The following JCHAIN variants were observed in gnomAD, a reference collection of about 807,000 sequenced individuals.
The protein encoded by JCHAIN is immunoglobulin J chain.
A neutral mutation model predicts 11.1 loss-of-function variants in JCHAIN; 5 were observed. The observed-to-expected ratio is 0.45, with a 90% CI of 0.24 to 0.95. The LOEUF (loss-of-function observed/expected upper bound fraction) is 0.95. JCHAIN is among the 40% of genes least tolerant of loss of function. The probability of loss-of-function intolerance (pLI) is 0.21; values close to 1 mark genes in which losing one functional copy is unlikely to be tolerated. For missense variants in JCHAIN, 165 were observed against 192.7 expected (o/e 0.86, Z 0.85); for synonymous variants, 51 against 67.8 (o/e 0.75, Z 1.22).
Position 70,655,864 on chromosome 4 carries a change from A to G in JCHAIN, c.*465T>C, listed in dbSNP as rs1738938822. ...ATAATTGACCTATGTTTATGCATAT[A>G]TGTTCTCTACACAGTGAAACTTTTT... On this transcript the variant is annotated 3_prime_UTR_variant, in exon 4 of 4. Transcript: ENST00000254801. 6.7e-6 allele frequency: 1 copy of G among 150,050 alleles called. No individual in the cohort carries two copies. Among genetic ancestry groups the G allele is most frequent in the South Asian group, 2.2e-4 (1 of 4,560 alleles). The allele number at this position is 150,050 out of a possible 1,614,324, so 9.3% of individuals were successfully genotyped here.
intron 2 of JCHAIN, among the ~76,000 whole-genome samples, chr4:70,661,821 A>G (rs1286280257): frequency 1.3e-5 from 2 of 152,186 alleles, no homozygotes; most frequent in African/African-American, 4.8e-5. Context: ...ATAACTCCAT[A>G]TAAACAGTGC....
chr4:70,656,788 A>T (rs1456787387), intron 3 of JCHAIN, among the ~76,000 whole-genome samples: 1 of 152,222 alleles, frequency 6.6e-6, no homozygotes, highest in Non-Finnish European at 1.5e-5. Context: ...TACACCATAC[A>T]GCAATTTCTA....
rs1250020017 is a variant in JCHAIN at position 70,662,144 on chromosome 4, G to A, written c.136C>T (p.Arg46Cys). The A allele has an allele frequency of 8.1e-6, 13 of 1,611,820 alleles. No individual in the cohort carries two copies. Among genetic ancestry groups the A allele is most frequent in the African/African-American group, 1.3e-5 (1 of 74,980 alleles). The change falls in exon 2 of 4, where the codon CGT becomes TGT. Residue 46 changes from arginine to cysteine, a missense_variant. Physicochemically the swap from Arg to Cys is radical, Grantham distance 180. Coordinates refer to ENST00000254801, the MANE Select transcript of JCHAIN (RefSeq NM_144646.4). ...TCCTCATTAGGATCTTCGGAAGAAC[G>A]GATGATCCTGGAAGTAATCCGGGCA... is the stretch of plus-strand genomic sequence containing the variant. ...KCARITSRIIRSSEDPNEDIV... is the reference protein window; with the variant it reads ...KCARITSRIICSSEDPNEDIV...
chr4:70,663,092 AAAATGAAT>A (rs1423826520), intron 1 of JCHAIN, among the ~76,000 whole-genome samples: 4 of 152,248 alleles, frequency 2.6e-5, no homozygotes, highest in African/African-American at 9.6e-5. Flanking sequence ...TACAGAAAAA[AAAATGAAT>A]AAATGAATAA....
chr4:70,666,491 C>T lies in JCHAIN; in HGVS notation c.-1G>A. 6.2e-7 allele frequency: 1 copy of T among 1,611,134 alleles called. No individual in the cohort carries two copies. Among genetic ancestry groups the T allele is most frequent in the Non-Finnish European group, 8.5e-7 (1 of 1,177,390 alleles). ...CCCAGAAAAGCAAATGGTTCTTCAT[C>T]TTGACTTCACTTCTTCTGAAAAACT... On this transcript the variant is annotated 5_prime_UTR_variant, in exon 1 of 4. Transcript: ENST00000254801.
Position 70,656,261 on chromosome 4 carries a change from G to A in JCHAIN, c.*68C>T. On this transcript the variant is annotated 3_prime_UTR_variant, in exon 4 of 4. Coordinates refer to ENST00000254801, the MANE Select transcript of JCHAIN (RefSeq NM_144646.4). ...TTTCAAATTCATTGGTAATAAATATGCTAACTTTCTGAATCAAAATGGAGA... is the reference window on the plus strand; with the variant it reads ...TTTCAAATTCATTGGTAATAAATATACTAACTTTCTGAATCAAAATGGAGA... 9.1e-7 allele frequency: 1 copy of A among 1,102,524 alleles called. No homozygotes were observed. Among genetic ancestry groups the A allele is most frequent in the South Asian group, 1.4e-5 (1 of 70,848 alleles). The allele number at this position is 1,102,524 out of a possible 1,614,324, so 68.3% of individuals were successfully genotyped here.
intron 2 of JCHAIN, 139 bp downstream of exon 2, chr4:70,661,953 G>A: frequency 1.4e-6 from 1 of 736,984 alleles, no homozygotes; most frequent in South Asian, 2.0e-5. Context: ...TCATTCATAA[G>A]ACTCAATTCT....
intron 2 of JCHAIN, among the ~76,000 whole-genome samples, chr4:70,657,500 T>A (rs1418570192): frequency 6.6e-6 from 1 of 152,188 alleles, no homozygotes; most frequent in Non-Finnish European, 1.5e-5. Flanking sequence ...TCACAACAAC[T>A]CCGCTGTCAA....
chr4:70,659,733 G>T (rs542879787), intron 2 of JCHAIN, among the ~76,000 whole-genome samples: 89 of 151,628 alleles, frequency 5.9e-4, no homozygotes, highest in African/African-American at 2.0e-3. Flanking sequence ...GGGCATGGTG[G>T]TGCGTGCCTG....
In JCHAIN at chr4:70,657,057, A is replaced by G. The variant is rs554334928; in HGVS notation, c.269+154T>C. ...GTTTTATGAATTTATGATACCTAAT[A>G]ATTAACATAGGAATTAATGTATTCA... On this transcript the variant is annotated intron_variant, in intron 3 of 3. Coordinates refer to ENST00000254801, the MANE Select transcript of JCHAIN (RefSeq NM_144646.4). Among the ~76,000 whole-genome samples, 9 of 152,322 alleles carry G rather than the reference A, an allele frequency of 5.9e-5. No homozygotes were observed. The South Asian group carries it at 1.9e-3, about 32-fold the overall frequency.
intron 1 of JCHAIN, among the ~76,000 whole-genome samples, chr4:70,662,770 C>A (rs1739085261): frequency 6.6e-6 from 1 of 151,970 alleles, no homozygotes; most frequent in Non-Finnish European, 1.5e-5. Flanking sequence ...ACCGGCCTGG[C>A]CAACATAGTG....
chr4:70,664,306 T>C (rs1282109779), intron 1 of JCHAIN, among the ~76,000 whole-genome samples: 13 of 152,094 alleles, frequency 8.5e-5, no homozygotes, highest in Non-Finnish European at 4.4e-5. Context: ...AAGTGACCTT[T>C]AACAATTCCT....
At position 70,657,199 on chromosome 4, in the gene JCHAIN, A is replaced by G; in HGVS notation, c.269+12T>C. 1.3e-6 allele frequency: 2 copies of G among 1,498,976 alleles called. No homozygotes were observed. The highest frequency in any genetic ancestry group is 1.9e-6 in the Non-Finnish European group (2 of 1,079,418). 92.9% of individuals were successfully genotyped at this position (1,498,976 alleles called of 1,614,324 possible). A position where few individuals can be genotyped will look rare whatever the true frequency, so the allele number is the denominator to read the frequency against. ...CCACATCTATATTACTATGGAAAAAAATATATCTTACAGGTCAGACAAATG... is the reference window on the plus strand; with the variant it reads ...CCACATCTATATTACTATGGAAAAAGATATATCTTACAGGTCAGACAAATG... On this transcript the variant is annotated intron_variant, in intron 3 of 3. Transcript: ENST00000254801.
chr4:70,660,351 G>A (rs1302787539), intron 2 of JCHAIN, among the ~76,000 whole-genome samples: 2 of 151,432 alleles, frequency 1.3e-5, no homozygotes, highest in Non-Finnish European at 2.9e-5. Flanking sequence ...TGAATGTGGG[G>A]AAATAGAGAC....
chr4:70,662,830 A>G (rs1283256642), intron 1 of JCHAIN, among the ~76,000 whole-genome samples: 1 of 151,926 alleles, frequency 6.6e-6, no homozygotes, highest in Non-Finnish European at 1.5e-5. Context: ...ATGGTGGTGC[A>G]TGCCTGTAGT....
At chr4:70,657,316 G>A (rs765802261) in intron 2 of JCHAIN, 25 bp from the exon 3 acceptor site, 18 of 1,412,930 alleles carry the variant, frequency 1.3e-5, no homozygotes, top group Non-Finnish European at 1.8e-5. Flanking sequence ...AGAAAACAAA[G>A]TTAAAACAAT....
intron 2 of JCHAIN, among the ~76,000 whole-genome samples, chr4:70,659,470 A>ACTAAAAATACAAAAATTAGCCAGGCG (rs1560410494): frequency 1.4e-5 from 2 of 144,390 alleles, no homozygotes; most frequent in African/African-American, 5.2e-5. Context: ...GAATTGCTTG[A>ACTAAAAATACAAAAATTAGCCAGGCG]ACCTGGGAGG....
chr4:70,663,112 T>C (rs1739092487), intron 1 of JCHAIN, among the ~76,000 whole-genome samples: 1 of 152,112 alleles, frequency 6.6e-6, no homozygotes, highest in South Asian at 2.1e-4. Flanking sequence ...AATGAATAAA[T>C]ACACATATGA....
intron 3 of JCHAIN, among the ~76,000 whole-genome samples, chr4:70,656,789 G>A (rs1738957773): frequency 6.6e-6 from 1 of 152,062 alleles, no homozygotes; most frequent in South Asian, 2.1e-4. Context: ...ACACCATACA[G>A]CAATTTCTAC....
Sources: allele counts gnomAD v4.1 joint callset (sites outside exome capture counted in the v4.1 genomes callset), GRCh38; gene constraint gnomAD v4.1.1; transcripts MANE v1.5; gene names NCBI Gene and HGNC (gene_info 2026-07-23, HGNC 2026-07-21).